The following QKI variants were observed in gnomAD, a reference collection of about 807,000 sequenced individuals.
QKI encodes QKI, KH domain containing RNA binding.
A neutral mutation model predicts 39.0 loss-of-function variants in QKI; 10 were observed. That is an observed-to-expected ratio of 0.26 (90% CI 0.16 to 0.43). The LOEUF is 0.43. Ranked by LOEUF, QKI falls within the 20% of genes least tolerant of loss-of-function variation. The pLI, the probability that QKI is intolerant of heterozygous loss-of-function variation, is 1.00. For synonymous variants in QKI, 204 were observed against 155.4 expected, an observed-to-expected ratio of 1.31 and a Z score of -2.33; for missense variants, 218 against 428.0, an observed-to-expected ratio of 0.51 and a Z score of 4.33.
intron 2 of QKI, among the ~76,000 whole-genome samples, chr6:163,477,904 A>AG (rs1321450522): frequency 6.6e-6 from 1 of 152,366 alleles, no homozygotes; most frequent in African/African-American, 2.4e-5. Context: ...AGAAAAAAGT[A>AG]GAAGACCATA....
chr6:163,445,117 A>G (rs915790433), intron 1 of QKI, among the ~76,000 whole-genome samples: 1 of 152,148 alleles, frequency 6.6e-6, no homozygotes, highest in African/African-American at 2.4e-5. Context: ...CTCACTTTTT[A>G]AATTGTAATT....
chr6:163,566,603 TCTTAAA>T (rs1375229947), intron 6 of QKI, 112 bp from the exon 7 acceptor site: 20 of 1,538,504 alleles, frequency 1.3e-5, no homozygotes, highest in Non-Finnish European at 3.5e-6. Context: ...TTAACGTGTT[TCTTAAA>T]CTTTTGTAGT....
chr6:163,533,837 T>G (rs1222931973), intron 3 of QKI, among the ~76,000 whole-genome samples: 2 of 152,170 alleles, frequency 1.3e-5, no homozygotes, highest in Non-Finnish European at 2.9e-5. Flanking sequence ...ATCCTAAAGA[T>G]GTGTTGATTA....
chr6:163,525,314 C>A (rs1025270441), intron 3 of QKI, among the ~76,000 whole-genome samples: 5 of 143,662 alleles, frequency 3.5e-5, no homozygotes, highest in African/African-American at 7.8e-5. Context: ...CCTCTCTCCT[C>A]TTTTCTCTCT....
intron 3 of QKI, among the ~76,000 whole-genome samples, chr6:163,513,383 CACAAA>C (rs1262755890): frequency 1.1e-4 from 16 of 152,176 alleles, no homozygotes; most frequent in Middle Eastern, 6.8e-3. Flanking sequence ...ACATAAAATA[CACAAA>C]ACAAAAAAGC....
intron 3 of QKI, among the ~76,000 whole-genome samples, chr6:163,510,856 T>C (rs955690106): frequency 3.6e-5 from 4 of 111,204 alleles, no homozygotes; most frequent in Non-Finnish European, 6.7e-5. Context: ...GAGATTTTAA[T>C]GTAACTCTTT....
chr6:163,455,446 C>G, intron 2 of QKI, 25 bp downstream of exon 2: 1 of 1,591,182 alleles, frequency 6.3e-7, no homozygotes, highest in Non-Finnish European at 8.6e-7. Context: ...TTGTTTTATT[C>G]AATTTTGTTC....
chr6:163,464,506 C>T (rs1344928562), intron 2 of QKI, among the ~76,000 whole-genome samples: 3 of 151,980 alleles, frequency 2.0e-5, no homozygotes, highest in African/African-American at 7.2e-5. Context: ...ATGAAGGAGA[C>T]ATTACAACTG....
At chr6:163,418,163 T>C (rs1787692905) in intron 1 of QKI, among the ~76,000 whole-genome samples, 1 of 152,002 alleles carries the variant, frequency 6.6e-6, no homozygotes, top group African/African-American at 2.4e-5. Flanking sequence ...TTAGTAAAAA[T>C]TTTACTTTAG....
At chr6:163,486,749 C>T (rs540401191) in intron 3 of QKI, among the ~76,000 whole-genome samples, 1 of 152,274 alleles carries the variant, frequency 6.6e-6, no homozygotes, top group East Asian at 1.9e-4. Flanking sequence ...TGCAGTTATG[C>T]ATATGTACAC....
intron 3 of QKI, among the ~76,000 whole-genome samples, chr6:163,530,106 TG>T (rs1446095208): frequency 6.6e-6 from 1 of 152,208 alleles, no homozygotes; most frequent in African/African-American, 2.4e-5. Flanking sequence ...ATATTGCAAA[TG>T]GTAACTGTAA....
chr6:163,424,761 A>T (rs886935462), intron 1 of QKI, among the ~76,000 whole-genome samples: 5 of 151,160 alleles, frequency 3.3e-5, no homozygotes, highest in Non-Finnish European at 5.9e-5. Context: ...CCTCCCGAGT[A>T]GCTGGGATTA....
At chr6:163,563,399 A>G (rs1783152117) in intron 5 of QKI, 21 bp from the exon 6 acceptor site, 2 of 1,562,432 alleles carry the variant, frequency 1.3e-6, no homozygotes, top group Non-Finnish European at 1.7e-6. Flanking sequence ...ACTTCTTTCT[A>G]AATTTCTTTG....
intron 4 of QKI, among the ~76,000 whole-genome samples, chr6:163,538,717 A>G (rs1781344001): frequency 6.6e-6 from 1 of 152,198 alleles, no homozygotes; most frequent in African/African-American, 2.4e-5. Context: ...CCAATAAGGA[A>G]GTCTTTGCAG....
chr6:163,415,357 G>GCCCCGGCCCGA, intron 1 of QKI, 22 bp downstream of exon 1: 2 of 1,520,242 alleles, frequency 1.3e-6, no homozygotes, highest in Non-Finnish European at 1.8e-6. Context: ...CAGGGCCCCG[G>GCCCCGGCCCGA]CCCCGGCCCG....
At chr6:163,526,013 G>T (rs78397279) in intron 3 of QKI, among the ~76,000 whole-genome samples, 1,853 of 152,234 alleles carry the variant, frequency 0.012, 34 homozygotes, top group African/African-American at 0.042. Flanking sequence ...TGTATCTCAT[G>T]CTGTGCTCTA....
At chr6:163,552,395 A>G (rs567769329) in intron 4 of QKI, among the ~76,000 whole-genome samples, 2 of 152,038 alleles carry the variant, frequency 1.3e-5, no homozygotes, top group African/African-American at 2.4e-5. Flanking sequence ...TTTTTTGACT[A>G]GAGACAGGGT....
At chr6:163,446,833 C>T (rs1331805692) in intron 1 of QKI, among the ~76,000 whole-genome samples, 1 of 152,090 alleles carries the variant, frequency 6.6e-6, no homozygotes, top group African/African-American at 2.4e-5. Context: ...TTTCAGTGAC[C>T]TATTTTACTT....
intron 1 of QKI, among the ~76,000 whole-genome samples, chr6:163,437,178 A>G (rs1789368920): frequency 6.6e-6 from 1 of 152,236 alleles, no homozygotes; most frequent in Non-Finnish European, 1.5e-5. Context: ...GATCCAGGAA[A>G]GCTTTATTTT....
Sources: gnomAD v4.1 joint callset for allele counts (sites outside exome capture counted in the v4.1 genomes callset) on GRCh38, gnomAD v4.1.1 for gene constraint, MANE v1.5 for transcripts, NCBI Gene and HGNC (gene_info 2026-07-23, HGNC 2026-07-21) for gene names.